Variants in MIPOL1 observed in about 807,000 individuals in gnomAD.
MIPOL1 encodes the protein mirror-image polydactyly 1.
Under a neutral mutation model 60.9 loss-of-function variants are expected in MIPOL1, and 57 were observed. The ratio of observed to expected loss-of-function variants is 0.94; its 90% confidence interval spans 0.76 to 1.17. The LOEUF is 1.17. Among genes scored for constraint, MIPOL1 ranks in the 50% most tolerant of loss-of-function variants. The probability of loss-of-function intolerance (pLI) is 0.00; values close to 1 mark genes in which losing one functional copy is unlikely to be tolerated. For synonymous variants in MIPOL1, 179 were observed against 168.8 expected, an observed-to-expected ratio of 1.06 and a Z score of -0.47; for missense variants, 551 against 511.6, an observed-to-expected ratio of 1.08 and a Z score of -0.74.
At chr14:37,360,441 C>T (rs1302484881) in intron 9 of MIPOL1, among the ~76,000 whole-genome samples, 2 of 152,164 alleles carry the variant, frequency 1.3e-5, no homozygotes, top group Non-Finnish European at 2.9e-5. Context: ...TGTGATCCAT[C>T]TAGTCCTGGA....
At chr14:37,282,594 G>A (rs900664320) in intron 6 of MIPOL1, among the ~76,000 whole-genome samples, 1 of 151,718 alleles carries the variant, frequency 6.6e-6, no homozygotes, top group Non-Finnish European at 1.5e-5. Context: ...TAAAAATTTG[G>A]TAGGCCAAGG....
At chr14:37,518,752 C>A (rs1329390383) in intron 12 of MIPOL1, among the ~76,000 whole-genome samples, 4 of 152,094 alleles carry the variant, frequency 2.6e-5, no homozygotes, top group Admixed American at 6.6e-5. Context: ...TTAAAAAGTA[C>A]CAAGCTTCTA....
intron 9 of MIPOL1, among the ~76,000 whole-genome samples, chr14:37,311,999 T>A (rs2087374949): frequency 7.3e-6 from 1 of 136,612 alleles, no homozygotes; most frequent in Non-Finnish European, 1.5e-5. Flanking sequence ...ACTGCTCACA[T>A]ATTTTATAGA....
chr14:37,448,853 C>T (rs947376224), intron 11 of MIPOL1, among the ~76,000 whole-genome samples: 58 of 152,136 alleles, frequency 3.8e-4, no homozygotes, highest in African/African-American at 1.4e-3. Flanking sequence ...GTATGGAGGT[C>T]ACTCATAGTT....
At chr14:37,397,204 G>T (rs1447750873) in intron 10 of MIPOL1, among the ~76,000 whole-genome samples, 2 of 152,138 alleles carry the variant, frequency 1.3e-5, no homozygotes, top group Non-Finnish European at 2.9e-5. Flanking sequence ...TCCTATGGAT[G>T]TGGCTTCCTG....
At chr14:37,518,019 A>G (rs2095383506) in intron 12 of MIPOL1, among the ~76,000 whole-genome samples, 1 of 152,232 alleles carries the variant, frequency 6.6e-6, no homozygotes, top group South Asian at 2.1e-4. Context: ...ATAAATAGAA[A>G]TAAACATACC....
intron 1 of MIPOL1, among the ~76,000 whole-genome samples, chr14:37,218,464 A>G (rs972771835): frequency 9.2e-5 from 14 of 152,092 alleles, no homozygotes; most frequent in Non-Finnish European, 1.5e-4. Flanking sequence ...CTGGGATCAC[A>G]GACGTGAGCC....
chr14:37,495,763 C>T (rs1359563714), intron 11 of MIPOL1, among the ~76,000 whole-genome samples: 5 of 150,952 alleles, frequency 3.3e-5, no homozygotes, highest in Non-Finnish European at 7.4e-5. Flanking sequence ...TAAAAGTGTT[C>T]CTATTTCTCC....
chr14:37,450,782 T>TA (rs1329528831), intron 11 of MIPOL1, among the ~76,000 whole-genome samples: 1 of 152,120 alleles, frequency 6.6e-6, no homozygotes, highest in African/African-American at 2.4e-5. Context: ...TTCTGAAACA[T>TA]AGACTTAGAA....
intron 11 of MIPOL1, among the ~76,000 whole-genome samples, chr14:37,447,474 A>C (rs1040037588): frequency 2.6e-5 from 4 of 152,266 alleles, no homozygotes; most frequent in Middle Eastern, 3.4e-3. Flanking sequence ...AAAAAGATAG[A>C]ACCAAATTAG....
intron 11 of MIPOL1, among the ~76,000 whole-genome samples, chr14:37,470,988 G>T (rs954751939): frequency 6.6e-6 from 1 of 152,066 alleles, no homozygotes; most frequent in African/African-American, 2.4e-5. Context: ...TTACCTATTG[G>T]TTATAGTGTT....
intron 12 of MIPOL1, among the ~76,000 whole-genome samples, chr14:37,535,898 T>C (rs1016145237): frequency 2.0e-5 from 3 of 152,184 alleles, no homozygotes; most frequent in African/African-American, 4.8e-5. Flanking sequence ...CTTTCCTTTA[T>C]TGTCCCTTTC....
chr14:37,458,339 A>G (rs1472771553), intron 11 of MIPOL1, among the ~76,000 whole-genome samples: 1 of 152,210 alleles, frequency 6.6e-6, no homozygotes, highest in Non-Finnish European at 1.5e-5. Flanking sequence ...TTCTCAGAAC[A>G]TTCTATCCAA....
intron 12 of MIPOL1, among the ~76,000 whole-genome samples, chr14:37,535,989 C>T (rs1441860371): frequency 6.6e-6 from 1 of 152,080 alleles, no homozygotes; most frequent in African/African-American, 2.4e-5. Context: ...ACTGTAGACT[C>T]AATCTCTTGG....
chr14:37,422,758 A>G, intron 10 of MIPOL1, 97 bp from the exon 11 acceptor site: 1 of 704,426 alleles, frequency 1.4e-6, no homozygotes, highest in South Asian at 2.1e-5. Context: ...TTTTTTTTTT[A>G]ACTGTCAGTA....
chr14:37,288,484 C>T (rs2084778812), intron 7 of MIPOL1, among the ~76,000 whole-genome samples: 1 of 152,000 alleles, frequency 6.6e-6, no homozygotes, highest in Admixed American at 6.6e-5. Context: ...TTTATAGCTA[C>T]TTGTGGCAAT....
chr14:37,487,182 A>G (rs543790347), intron 11 of MIPOL1, among the ~76,000 whole-genome samples: 1 of 152,238 alleles, frequency 6.6e-6, no homozygotes, highest in African/African-American at 2.4e-5. Flanking sequence ...CCAGGGATGA[A>G]GCCGACTTGA....
chr14:37,211,410 G>A lies in MIPOL1; in HGVS notation c.-199+13306G>A, dbSNP rs867353217. ...CAGAGAGTTTCTCTGGGAACTGGGG[G>A]AGAGAAAACACAACAATTGTGAAAC... On this transcript the variant is annotated intron_variant, in intron 1 of 12. Transcript: ENST00000684589. Among the ~76,000 whole-genome samples the A allele has an allele frequency of 3.9e-5, 6 of 152,224 alleles. No individual in the cohort carries two copies. In the South Asian group the frequency reaches 8.3e-4, roughly 21 times the overall value.
At position 37,355,735 on chromosome 14, in the gene MIPOL1, C is replaced by G. The variant is rs1368804887; in HGVS notation, c.829-13782C>G. 6.8e-5 allele frequency among the ~76,000 whole-genome samples: 10 copies of G among 147,562 alleles called. No homozygotes were observed. The East Asian group carries it at 2.0e-3, about 30-fold the overall frequency. Reference sequence around the variant, plus strand: ...GCTTCTGCATTCTTCATGTAGTTCTCGAGCCTTGGTTTTCAGCTCCATCAG... The same window carrying G: ...GCTTCTGCATTCTTCATGTAGTTCTGGAGCCTTGGTTTTCAGCTCCATCAG... On this transcript the variant is annotated intron_variant, in intron 9 of 12. Coordinates refer to ENST00000684589, the MANE Select transcript of MIPOL1 (RefSeq NM_001388067.1).
Sources: gnomAD v4.1 joint callset for allele counts (sites outside exome capture counted in the v4.1 genomes callset) on GRCh38, gnomAD v4.1.1 for gene constraint, MANE v1.5 for transcripts, NCBI Gene and HGNC (gene_info 2026-07-23, HGNC 2026-07-21) for gene names.